Variants in TMEM117 observed in about 807,000 individuals in gnomAD.
TMEM117 encodes the protein transmembrane protein 117.
A neutral mutation model predicts 52.4 loss-of-function variants in TMEM117; 27 were observed. The observed-to-expected ratio is 0.51, with a 90% CI of 0.38 to 0.71. The LOEUF (loss-of-function observed/expected upper bound fraction) is 0.71, where lower values mean the gene tolerates loss of function less well. Ranked by LOEUF, TMEM117 falls within the 30% of genes least tolerant of loss-of-function variation. The probability of loss-of-function intolerance (pLI) is 0.00; values close to 1 mark genes in which losing one functional copy is unlikely to be tolerated. For synonymous variants in TMEM117, 215 were observed against 206.3 expected (o/e 1.04, Z -0.36); for missense variants, 556 against 630.5 (o/e 0.88, Z 1.26).
chr12:44,351,320 T>C (rs539346357), intron 6 of TMEM117, among the ~76,000 whole-genome samples: 63 of 152,166 alleles, frequency 4.1e-4, no homozygotes, highest in African/African-American at 1.3e-3. Flanking sequence ...CTCTTCACTT[T>C]GTTGATTATT....
chr12:44,371,649 G>A (rs1337825700), intron 6 of TMEM117, among the ~76,000 whole-genome samples: 1 of 152,122 alleles, frequency 6.6e-6, no homozygotes, highest in Non-Finnish European at 1.5e-5. Context: ...ATGCCAGTCA[G>A]GGAATTCAAA....
intron 2 of TMEM117, among the ~76,000 whole-genome samples, chr12:43,936,437 A>G (rs568922250): frequency 2.0e-5 from 3 of 152,262 alleles, no homozygotes; most frequent in Non-Finnish European, 4.4e-5. Flanking sequence ...ATCTAAGACT[A>G]TAGTGGGCAG....
At chr12:43,946,708 T>G (rs1266892698) in intron 3 of TMEM117, among the ~76,000 whole-genome samples, 1 of 152,210 alleles carries the variant, frequency 6.6e-6, no homozygotes, top group African/African-American at 2.4e-5. Flanking sequence ...GTCCGATTGA[T>G]GGTTGACCCT....
the TMEM117 span, among the ~76,000 whole-genome samples, chr12:43,825,271 A>AT: frequency 6.6e-6 from 1 of 152,198 alleles, no homozygotes; most frequent in Admixed American, 6.5e-5. Flanking sequence ...GCTATTTGGA[A>AT]CTATGGAGGG....
chr12:44,175,809 C>T lies in TMEM117; in HGVS notation c.510+32185C>T, dbSNP rs572924911. Among the ~76,000 whole-genome samples the T allele has an allele frequency of 7.1e-4, 108 of 152,260 alleles. 2 individuals carry two copies. The highest frequency in any genetic ancestry group is 2.4e-3 in the African/African-American group (101 of 41,552). On this transcript the variant is annotated intron_variant, in intron 4 of 7. Transcript: ENST00000266534. ...AACTGTAAAAGGGAGCAGTGGTCAACTGTAACAAATGCTGCTGGAAAGTCA... is the reference window on the plus strand; with the variant it reads ...AACTGTAAAAGGGAGCAGTGGTCAATTGTAACAAATGCTGCTGGAAAGTCA...
intron 3 of TMEM117, among the ~76,000 whole-genome samples, chr12:44,069,601 T>TA (rs1947271024): frequency 6.6e-6 from 1 of 152,162 alleles, no homozygotes; most frequent in African/African-American, 2.4e-5. Context: ...AGTAGGGCTT[T>TA]AGGGTCTTGG....
chr12:44,281,267 T>C (rs1161265226), intron 5 of TMEM117, among the ~76,000 whole-genome samples: 1 of 152,202 alleles, frequency 6.6e-6, no homozygotes, highest in African/African-American at 2.4e-5. Context: ...TAGTTTTCTT[T>C]CACAACAGAA....
At chr12:44,278,153 A>G (rs952730957) in intron 5 of TMEM117, among the ~76,000 whole-genome samples, 1 of 152,182 alleles carries the variant, frequency 6.6e-6, no homozygotes, top group African/African-American at 2.4e-5. Flanking sequence ...CTGATTAGAA[A>G]TCTTAATTAA....
At chr12:44,138,814 A>G (rs1948529097) in intron 3 of TMEM117, among the ~76,000 whole-genome samples, 1 of 152,162 alleles carries the variant, frequency 6.6e-6, no homozygotes, top group South Asian at 2.1e-4. Context: ...ATTTTGAGCA[A>G]ATATACTAAA....
chr12:44,094,202 A>T (rs1947719188), intron 3 of TMEM117, among the ~76,000 whole-genome samples: 1 of 152,156 alleles, frequency 6.6e-6, no homozygotes, highest in Non-Finnish European at 1.5e-5. Flanking sequence ...ATTTTGAACC[A>T]TTCACTATGC....
At chr12:43,968,198 A>G in intron 3 of TMEM117, among the ~76,000 whole-genome samples, 1 of 150,842 alleles carries the variant, frequency 6.6e-6, no homozygotes, top group East Asian at 2.0e-4. Flanking sequence ...GAGTTTTCAT[A>G]AAGAGGATTC....
intron 3 of TMEM117, among the ~76,000 whole-genome samples, chr12:44,106,086 G>A (rs1372124975): frequency 6.6e-6 from 1 of 152,016 alleles, no homozygotes; most frequent in Admixed American, 6.6e-5. Context: ...TTCTACTTAA[G>A]GGTTTCTTCT....
chr12:43,970,602 A>G (rs755579938), intron 3 of TMEM117, among the ~76,000 whole-genome samples: 1 of 152,134 alleles, frequency 6.6e-6, no homozygotes, highest in Non-Finnish European at 1.5e-5. Flanking sequence ...CTACTTTATT[A>G]TAAAGTATTG....
At chr12:44,346,911 C>T (rs74085118) in intron 6 of TMEM117, among the ~76,000 whole-genome samples, 1,533 of 152,178 alleles carry the variant, frequency 0.01, 28 homozygotes, top group African/African-American at 0.035. Context: ...AAATAATGCT[C>T]TTCTGAGGGA....
At chr12:44,374,201 G>A (rs1179775124) in intron 6 of TMEM117, among the ~76,000 whole-genome samples, 1 of 152,152 alleles carries the variant, frequency 6.6e-6, no homozygotes, top group African/African-American at 2.4e-5. Flanking sequence ...CGAGAATGAT[G>A]AGTCTGAAGA....
chr12:44,147,165 T>A (rs1318281978), intron 4 of TMEM117, among the ~76,000 whole-genome samples: 5 of 152,204 alleles, frequency 3.3e-5, no homozygotes, highest in Admixed American at 6.5e-5. Context: ...TGCTGAGCGA[T>A]GTAATCCACA....
intron 2 of TMEM117, among the ~76,000 whole-genome samples, chr12:43,863,493 C>T (rs1375019303): frequency 6.6e-6 from 1 of 151,952 alleles, no homozygotes; most frequent in African/African-American, 2.4e-5. Flanking sequence ...ATCTCTGACT[C>T]TAGAAGAAAG....
intron 5 of TMEM117, among the ~76,000 whole-genome samples, chr12:44,223,446 C>T (rs1443206349): frequency 6.6e-6 from 1 of 151,406 alleles, no homozygotes; most frequent in Non-Finnish European, 1.5e-5. Flanking sequence ...CAGACCTTCT[C>T]CCTTCATGGT....
intron 3 of TMEM117, among the ~76,000 whole-genome samples, chr12:44,096,089 A>T (rs1443559640): frequency 2.6e-5 from 4 of 152,016 alleles, no homozygotes; most frequent in African/African-American, 9.7e-5. Flanking sequence ...AAACAGCCAA[A>T]TCACGAGTGA....
Sources: gnomAD v4.1 joint callset for allele counts (sites outside exome capture counted in the v4.1 genomes callset) on GRCh38, gnomAD v4.1.1 for gene constraint, MANE v1.5 for transcripts, NCBI Gene and HGNC (gene_info 2026-07-23, HGNC 2026-07-21) for gene names.